Variants in CARF observed in about 807,000 individuals in gnomAD.
CARF encodes calcium-responsive transcription factor.
CARF carries 57 observed loss-of-function variants against 82.0 expected under a neutral mutation model. The observed-to-expected ratio is 0.70, with a 90% CI of 0.56 to 0.87. The LOEUF (loss-of-function observed/expected upper bound fraction) is 0.87, where lower values mean the gene tolerates loss of function less well. Ranked by LOEUF, CARF falls within the 40% of genes least tolerant of loss-of-function variation. CARF has a pLI of 0.00. For missense variants in CARF, 771 were observed against 855.8 expected (o/e 0.90, Z 1.24); for synonymous variants, 268 against 290.1 (o/e 0.92, Z 0.77).
chr2:202,937,170 C>T (rs1694080579), intron 3 of CARF, among the ~76,000 whole-genome samples: 1 of 152,180 alleles, frequency 6.6e-6, no homozygotes, highest in Non-Finnish European at 1.5e-5. Context: ...CCTCTGAGCA[C>T]TGCTTTTTTG....
At chr2:202,978,696 T>C (rs966810089) in intron 14 of CARF, among the ~76,000 whole-genome samples, 6 of 152,204 alleles carry the variant, frequency 3.9e-5, no homozygotes, top group Admixed American at 2.0e-4. Flanking sequence ...CAGCTTCCCA[T>C]GTATTGGTGC....
chr2:202,917,383 C>A (rs1470687980), intron 1 of CARF, among the ~76,000 whole-genome samples: 1 of 152,132 alleles, frequency 6.6e-6, no homozygotes, highest in Non-Finnish European at 1.5e-5. Flanking sequence ...GAAATCCAAT[C>A]ATTAACTGTT....
chr2:202,954,792 G>A (rs1048803192), intron 7 of CARF, among the ~76,000 whole-genome samples: 1 of 151,100 alleles, frequency 6.6e-6, no homozygotes, highest in Non-Finnish European at 1.5e-5. Flanking sequence ...GGCGGATCAC[G>A]AGGTCAGGAG....
chr2:202,941,046 T>C (rs2058204263), intron 3 of CARF, among the ~76,000 whole-genome samples: 1 of 152,000 alleles, frequency 6.6e-6, no homozygotes. Context: ...TATTCTCAAA[T>C]AATATAGGTA....
At chr2:202,945,048 G>A (rs2058429914) in intron 5 of CARF, among the ~76,000 whole-genome samples, 1 of 152,178 alleles carries the variant, frequency 6.6e-6, no homozygotes, top group South Asian at 2.1e-4. Context: ...AAAAAAATGT[G>A]AGAAACAGAT....
chr2:202,959,793 G>A (rs559092359), intron 8 of CARF, among the ~76,000 whole-genome samples: 2 of 143,006 alleles, frequency 1.4e-5, no homozygotes, highest in African/African-American at 5.2e-5. Flanking sequence ...TGGGCAACAA[G>A]AGTGAAACTC....
Position 202,986,598 on chromosome 2 carries a change from G to A in CARF, c.*2974G>A, listed in dbSNP as rs936708386. 1 of 150,696 alleles carries A rather than the reference G, an allele frequency of 6.6e-6. No individual in the cohort carries two copies. The highest frequency in any genetic ancestry group is 6.7e-5 in the Admixed American group (1 of 15,024). The allele number at this position is 150,696 out of a possible 1,614,324, so 9.3% of individuals were successfully genotyped here. A position where few individuals can be genotyped will look rare whatever the true frequency, so the allele number is the denominator to read the frequency against. Reference sequence around the variant, plus strand: ...GCCATGGTGGACCTTTCCCTCAATAGTGATTTTTTGTACAAACAGTTAGTA... The same window carrying A: ...GCCATGGTGGACCTTTCCCTCAATAATGATTTTTTGTACAAACAGTTAGTA... On this transcript the variant is annotated 3_prime_UTR_variant, in exon 17 of 17. Transcript: ENST00000438828.
intron 3 of CARF, among the ~76,000 whole-genome samples, chr2:202,937,564 C>T (rs1433603272): frequency 1.3e-5 from 2 of 151,516 alleles, no homozygotes; most frequent in Non-Finnish European, 2.9e-5. Context: ...TATTTTTTCT[C>T]TTCCCTTCTA....
At chr2:202,946,941 G>T (rs547799566) in intron 5 of CARF, among the ~76,000 whole-genome samples, 7 of 152,126 alleles carry the variant, frequency 4.6e-5, no homozygotes, top group African/African-American at 1.7e-4. Flanking sequence ...ATCACACGCC[G>T]GTTAGAATGG....
intron 5 of CARF, 82 bp from the exon 6 acceptor site, chr2:202,952,477 T>C: frequency 1.5e-6 from 2 of 1,312,328 alleles, no homozygotes; most frequent in Non-Finnish European, 2.1e-6. Context: ...TAGGTATGTG[T>C]TTAATAATTT....
intron 3 of CARF, among the ~76,000 whole-genome samples, chr2:202,929,946 T>G (rs1262354019): frequency 6.6e-6 from 1 of 152,156 alleles, no homozygotes; most frequent in Admixed American, 6.6e-5. Context: ...TTTGGTAGTA[T>G]GGTCATTTTC....
intron 5 of CARF, 59 bp from the exon 6 acceptor site, chr2:202,952,500 A>C (rs1296251818): frequency 2.7e-6 from 4 of 1,501,126 alleles, no homozygotes; most frequent in Non-Finnish European, 3.6e-6. Flanking sequence ...TTAATTAATA[A>C]TTTTTGTTAA....
At chr2:202,979,807 A>T (rs1236125965) in intron 14 of CARF, among the ~76,000 whole-genome samples, 1 of 152,106 alleles carries the variant, frequency 6.6e-6, no homozygotes, top group Non-Finnish European at 1.5e-5. Context: ...TCAAAAAAAA[A>T]AAAAGAAAGA....
intron 14 of CARF, among the ~76,000 whole-genome samples, chr2:202,980,259 A>G (rs1028139535): frequency 1.1e-4 from 16 of 152,144 alleles, no homozygotes; most frequent in African/African-American, 3.9e-4. Flanking sequence ...CGCCTGGCCG[A>G]TAATTAGTTC....
intron 5 of CARF, among the ~76,000 whole-genome samples, chr2:202,945,342 T>C (rs1308382158): frequency 6.6e-6 from 1 of 152,184 alleles, no homozygotes; most frequent in Non-Finnish European, 1.5e-5. Context: ...ACTTTTACTT[T>C]AGGTTCGAAG....
At chr2:202,938,840 A>G (rs1203850891) in intron 3 of CARF, among the ~76,000 whole-genome samples, 1 of 151,942 alleles carries the variant, frequency 6.6e-6, no homozygotes, top group African/African-American at 2.4e-5. Flanking sequence ...TTGGCCTCCC[A>G]AAATGCTAGG....
intron 5 of CARF, among the ~76,000 whole-genome samples, chr2:202,949,458 A>G (rs2058654063): frequency 6.6e-6 from 1 of 151,384 alleles, no homozygotes; most frequent in Admixed American, 6.6e-5. Context: ...CATCAGCCAA[A>G]TGGAGCTTTT....
intron 3 of CARF, among the ~76,000 whole-genome samples, chr2:202,930,846 T>G (rs1692761065): frequency 6.6e-6 from 1 of 152,102 alleles, no homozygotes; most frequent in Admixed American, 6.6e-5. Flanking sequence ...CCTCCTCTTC[T>G]TCCTCTCCCT....
intron 3 of CARF, among the ~76,000 whole-genome samples, chr2:202,927,354 A>G (rs1389131767): frequency 1.3e-5 from 2 of 152,202 alleles, no homozygotes; most frequent in African/African-American, 4.8e-5. Context: ...AAGCTTTTAA[A>G]AATATTTTTA....
Sources: allele counts gnomAD v4.1 joint callset (sites outside exome capture counted in the v4.1 genomes callset), GRCh38; gene constraint gnomAD v4.1.1; transcripts MANE v1.5; gene names NCBI Gene and HGNC (gene_info 2026-07-23, HGNC 2026-07-21).